Variants in GSG1L observed in about 807,000 individuals in gnomAD.
The protein encoded by GSG1L is germ cell-specific gene 1-like protein.
A neutral mutation model predicts 42.1 loss-of-function variants in GSG1L; 24 were observed. The ratio of observed to expected loss-of-function variants is 0.57; its 90% CI spans 0.41 to 0.80. The LOEUF is 0.80. Among genes scored for constraint, GSG1L ranks in the 30% least tolerant of loss-of-function variants. The probability of loss-of-function intolerance (pLI) is 0.00; values close to 1 mark genes in which losing one functional copy is unlikely to be tolerated. For synonymous variants in GSG1L, 215 were observed against 203.5 expected (o/e 1.06, Z -0.48); for missense variants, 445 against 472.2 (o/e 0.94, Z 0.53).
At chr16:27,807,296 G>A (rs949755109) in intron 6 of GSG1L, among the ~76,000 whole-genome samples, 191 bp downstream of exon 6, 5 of 152,172 alleles carry the variant, frequency 3.3e-5, no homozygotes, top group African/African-American at 7.2e-5. Context: ...TGGGAAGCCT[G>A]TGGGGAGAGC....
intron 6 of GSG1L, among the ~76,000 whole-genome samples, chr16:27,792,556 C>T (rs776185257): frequency 1.3e-5 from 2 of 152,146 alleles, no homozygotes; most frequent in African/African-American, 4.8e-5. Context: ...TACCTCCCGC[C>T]GAATCAAATC....
At chr16:28,045,209 G>A (rs941024557) in intron 1 of GSG1L, among the ~76,000 whole-genome samples, 3 of 152,158 alleles carry the variant, frequency 2.0e-5, no homozygotes, top group African/African-American at 7.2e-5. Context: ...AATGTAAACC[G>A]TGGACTTTGG....
chr16:27,810,697 T>TC (rs1195584331), intron 5 of GSG1L, among the ~76,000 whole-genome samples: 1 of 149,020 alleles, frequency 6.7e-6, no homozygotes, highest in African/African-American at 2.4e-5. Context: ...AAGTTTTTCT[T>TC]TTTTTTTTTA....
chr16:27,856,502 A>G (rs1046866861), intron 3 of GSG1L, among the ~76,000 whole-genome samples: 4 of 152,122 alleles, frequency 2.6e-5, no homozygotes, highest in African/African-American at 9.7e-5. Flanking sequence ...TTTTGTAGAG[A>G]CAGGGTCTCC....
At chr16:28,000,539 G>A (rs1459114649) in intron 1 of GSG1L, among the ~76,000 whole-genome samples, 1 of 152,134 alleles carries the variant, frequency 6.6e-6, no homozygotes, top group African/African-American at 2.4e-5. Context: ...GCATCTAAAT[G>A]ATGACATGAG....
rs75145270 is a variant in GSG1L, at chr16:27,903,931, C to T, written c.398-19293G>A. Among the ~76,000 whole-genome samples, 446 of 152,244 alleles carry T rather than the reference C, an allele frequency of 2.9e-3. 1 individual carries two copies. The highest frequency in any genetic ancestry group is 0.01 in the African/African-American group (426 of 41,534). On this transcript the variant is annotated intron_variant, in intron 2 of 6. Coordinates refer to ENST00000447459, the MANE Select transcript of GSG1L (RefSeq NM_001109763.2). The stretch of plus-strand genomic sequence containing the variant: ...AACTCCCCCTCACTTTCGACCCTGT[C>T]TTCTGCCCCCTTTCCCCTTGCTCAC...
rs1208495755 is a variant in GSG1L, at chr16:28,010,291, AC to A, written c.350-47089del. ...AGGGGCAGCATCTTATCTTGACACT[AC>A]CCCATTCAGGAGGGAGTCAACCACC... On this transcript the variant is annotated intron_variant, in intron 1 of 6. Transcript: ENST00000447459. 2.0e-5 allele frequency among the ~76,000 whole-genome samples: 3 copies of A among 152,154 alleles called. No individual in the cohort carries two copies. In the East Asian group the frequency reaches 5.8e-4, roughly 29 times the overall value.
intron 5 of GSG1L, among the ~76,000 whole-genome samples, chr16:27,808,909 C>T (rs778644941): frequency 6.6e-6 from 1 of 152,184 alleles, no homozygotes; most frequent in Non-Finnish European, 1.5e-5. Context: ...GAGGCAGGTG[C>T]ATGGCCTCTG....
At chr16:27,943,575 T>TC (rs1026523801) in intron 2 of GSG1L, among the ~76,000 whole-genome samples, 1 of 128,802 alleles carries the variant, frequency 7.8e-6, no homozygotes, top group African/African-American at 2.9e-5. Flanking sequence ...TCTTTTTTTT[T>TC]TTTTTTTTTT....
At chr16:27,796,667 C>T (rs1306395896) in intron 6 of GSG1L, among the ~76,000 whole-genome samples, 2 of 152,208 alleles carry the variant, frequency 1.3e-5, no homozygotes, top group African/African-American at 2.4e-5. Flanking sequence ...TTCTGGTCTA[C>T]CTCAGGCGGG....
At chr16:27,899,532 C>T (rs973110355) in intron 2 of GSG1L, among the ~76,000 whole-genome samples, 2 of 152,108 alleles carry the variant, frequency 1.3e-5, no homozygotes, top group Non-Finnish European at 2.9e-5. Context: ...GCCTGGGCAA[C>T]ACAGTGAGAC....
intron 2 of GSG1L, among the ~76,000 whole-genome samples, chr16:27,947,589 GAAAGAAAGAA>G (rs879350142): frequency 0.031 from 3,395 of 111,192 alleles, 126 homozygotes; most frequent in African/African-American, 0.078. Flanking sequence ...AAGAAAGAAA[GAAAGAAAGAA>G]AAAGAAAGAA....
At chr16:28,044,199 C>T (rs892139133) in intron 1 of GSG1L, among the ~76,000 whole-genome samples, 5 of 150,592 alleles carry the variant, frequency 3.3e-5, no homozygotes, top group Admixed American at 2.6e-4. Context: ...CAATATGGTA[C>T]AACCCCATCT....
intron 2 of GSG1L, among the ~76,000 whole-genome samples, chr16:27,947,893 G>A (rs188886442): frequency 2.5e-4 from 38 of 152,284 alleles, no homozygotes; most frequent in Admixed American, 7.2e-4. Context: ...ATGCACAAGG[G>A]TCAGACTATT....
chr16:28,044,623 C>CTTT (rs71140942), intron 1 of GSG1L, among the ~76,000 whole-genome samples: 1,386 of 130,562 alleles, frequency 0.011, 27 homozygotes, highest in Admixed American at 0.021. Context: ...GCAACGAATG[C>CTTT]TTTTTTTTTT....
chr16:27,945,131 G>C (rs2084848074), intron 2 of GSG1L, among the ~76,000 whole-genome samples: 1 of 151,814 alleles, frequency 6.6e-6, no homozygotes. Flanking sequence ...TTGGAGGTGG[G>C]AGGATTGAGG....
chr16:27,804,778 T>C (rs1329293925), intron 6 of GSG1L, among the ~76,000 whole-genome samples: 1 of 6,054 alleles, frequency 1.7e-4, no homozygotes, highest in African/African-American at 1.1e-3. Context: ...GAGACTGGGA[T>C]TGGGGGTGGA....
intron 2 of GSG1L, among the ~76,000 whole-genome samples, chr16:27,958,505 G>GACATGAAT (rs913140018): frequency 1.3e-5 from 2 of 151,660 alleles, no homozygotes; most frequent in Non-Finnish European, 2.9e-5. Context: ...TCTATGTACT[G>GACATGAAT]ACATGAATAG....
intron 2 of GSG1L, among the ~76,000 whole-genome samples, chr16:27,945,834 T>A (rs2084853838): frequency 6.6e-6 from 1 of 152,218 alleles, no homozygotes; most frequent in Non-Finnish European, 1.5e-5. Flanking sequence ...CTGTGTTACA[T>A]CTCAGGCTTT....
Sources: gnomAD v4.1 joint callset for allele counts (sites outside exome capture counted in the v4.1 genomes callset) on GRCh38, gnomAD v4.1.1 for gene constraint, MANE v1.5 for transcripts, NCBI Gene and HGNC (gene_info 2026-07-23, HGNC 2026-07-21) for gene names.